STPG2: variants seen among roughly 807,000 people sequenced by gnomAD.
STPG2 encodes sperm tail PG-rich repeat containing 2.
STPG2 carries 56 observed loss-of-function variants against 54.2 expected under a neutral mutation model. The observed-to-expected ratio is 1.03, with a 90% confidence interval of 0.83 to 1.29. The LOEUF is 1.29. STPG2 is among the 50% of genes most tolerant of loss of function. The pLI, the probability that STPG2 is intolerant of heterozygous loss-of-function variation, is 0.00. For synonymous variants in STPG2, 200 were observed against 181.8 expected (o/e 1.10, Z -0.81); for missense variants, 596 against 544.9 (o/e 1.09, Z -0.93).
At chr4:98,114,167 TC>T (rs1475660582) in intron 3 of STPG2, among the ~76,000 whole-genome samples, 1 of 152,094 alleles carries the variant, frequency 6.6e-6, no homozygotes, top group African/African-American at 2.4e-5. Flanking sequence ...AAGTAAGTGC[TC>T]CAGATCACCT....
At chr4:97,579,179 T>C (rs1732800198) in intron 10 of STPG2, among the ~76,000 whole-genome samples, 1 of 152,134 alleles carries the variant, frequency 6.6e-6, no homozygotes, top group Admixed American at 6.6e-5. Context: ...GTTATGGCTA[T>C]TAAATGATAT....
chr4:97,712,631 C>A, intron 10 of STPG2, 68 bp downstream of exon 10: 3 of 1,081,992 alleles, frequency 2.8e-6, no homozygotes, highest in Non-Finnish European at 3.8e-6. Context: ...TTAATATATA[C>A]ATTTGTAGTA....
At chr4:97,588,287 A>C (rs1733050476) in intron 10 of STPG2, among the ~76,000 whole-genome samples, 1 of 152,044 alleles carries the variant, frequency 6.6e-6, no homozygotes, top group Admixed American at 6.6e-5. Context: ...CTGTACAGGA[A>C]AAAAATACCA....
chr4:97,920,681 A>T (rs1261035788), intron 8 of STPG2, among the ~76,000 whole-genome samples: 1 of 152,232 alleles, frequency 6.6e-6, no homozygotes, highest in East Asian at 1.9e-4. Flanking sequence ...AACCCTGAAC[A>T]GCTGACAACC....
intron 9 of STPG2, among the ~76,000 whole-genome samples, chr4:97,739,252 G>A (rs922165670): frequency 2.0e-5 from 3 of 152,042 alleles, no homozygotes; most frequent in African/African-American, 7.2e-5. Context: ...ATGCCTACAG[G>A]AGAAAGCAGG....
intron 6 of STPG2, among the ~76,000 whole-genome samples, chr4:97,975,327 A>C (rs1734463421): frequency 6.6e-6 from 1 of 152,200 alleles, no homozygotes; most frequent in Non-Finnish European, 1.5e-5. Context: ...AAATCTCAAC[A>C]CTAAAAAGTT....
chr4:98,120,898 C>T (rs1560688725), intron 3 of STPG2, among the ~76,000 whole-genome samples: 1 of 152,132 alleles, frequency 6.6e-6, no homozygotes, highest in Non-Finnish European at 1.5e-5. Flanking sequence ...TGTGCAGCAG[C>T]TCTTTAATTA....
intron 8 of STPG2, among the ~76,000 whole-genome samples, chr4:97,913,567 T>C (rs1731760492): frequency 6.6e-6 from 1 of 152,130 alleles, no homozygotes; most frequent in Non-Finnish European, 1.5e-5. Flanking sequence ...TAGCTTTAAA[T>C]TATCAATTAA....
intron 4 of STPG2, among the ~76,000 whole-genome samples, chr4:97,510,397 G>C (rs1028785446): frequency 6.6e-6 from 1 of 152,082 alleles, no homozygotes; most frequent in Non-Finnish European, 1.5e-5. Context: ...GGAAGTAAAA[G>C]TGTGGAACAT....
Position 97,916,528 on chromosome 4 carries a change from T to C in STPG2, c.1044+27369A>G, listed in dbSNP as rs537966571. 2.0e-5 allele frequency: 3 copies of C among 152,696 alleles called. No homozygotes were observed. The South Asian group carries it at 6.2e-4, about 32-fold the overall frequency. 9.5% of individuals were successfully genotyped at this position (152,696 alleles called of 1,614,324 possible). A position where few individuals can be genotyped will look rare whatever the true frequency, so the allele number is the denominator to read the frequency against. ...GAAGACGGGAAAGTTCATTTCTTTGTATTGACCATAGTACAGGCCCATCAC... is the reference window on the plus strand; with the variant it reads ...GAAGACGGGAAAGTTCATTTCTTTGCATTGACCATAGTACAGGCCCATCAC... On this transcript the variant is annotated intron_variant, in intron 8 of 10. Coordinates refer to ENST00000295268, the MANE Select transcript of STPG2 (RefSeq NM_174952.3).
chr4:97,887,525 C>A (rs890706755), intron 8 of STPG2, among the ~76,000 whole-genome samples: 1 of 152,070 alleles, frequency 6.6e-6, no homozygotes, highest in Non-Finnish European at 1.5e-5. Flanking sequence ...TTCTAAGCAA[C>A]AAAGTATTCA....
intron 8 of STPG2, among the ~76,000 whole-genome samples, chr4:97,874,310 TAACA>T (rs1189548472): frequency 6.6e-6 from 1 of 151,734 alleles, no homozygotes; most frequent in Non-Finnish European, 1.5e-5. Context: ...TGTGTTTTTA[TAACA>T]TACATCAATT....
intron 10 of STPG2, among the ~76,000 whole-genome samples, chr4:97,677,540 G>A (rs941531049): frequency 7.2e-5 from 11 of 152,164 alleles, no homozygotes; most frequent in Non-Finnish European, 1.2e-4. Context: ...CAGCTGGATG[G>A]TGGCTATGGA....
chr4:97,502,877 G>A (rs1431225472), intron 4 of STPG2, among the ~76,000 whole-genome samples: 2 of 151,898 alleles, frequency 1.3e-5, no homozygotes, highest in South Asian at 2.1e-4. Context: ...TGCCCCTTAC[G>A]CTGTGAATAG....
intron 9 of STPG2, among the ~76,000 whole-genome samples, chr4:97,798,536 T>A (rs527443092): frequency 6.6e-6 from 1 of 152,144 alleles, no homozygotes; most frequent in Admixed American, 6.6e-5. Flanking sequence ...GATTGCACTG[T>A]GGTCTGAGAG....
chr4:97,942,251 T>C (rs958364028), intron 8 of STPG2, among the ~76,000 whole-genome samples: 2 of 151,860 alleles, frequency 1.3e-5, no homozygotes, highest in Non-Finnish European at 2.9e-5. Context: ...GATATTATGA[T>C]AGAAATAACT....
intron 9 of STPG2, among the ~76,000 whole-genome samples, chr4:97,827,531 G>A (rs531967865): frequency 7.0e-4 from 106 of 152,200 alleles, no homozygotes; most frequent in Admixed American, 1.4e-3. Context: ...CACTGCACCC[G>A]GCCTAGACAG....
intron 10 of STPG2, among the ~76,000 whole-genome samples, chr4:97,692,182 G>A (rs954376668): frequency 1.3e-5 from 2 of 150,480 alleles, no homozygotes; most frequent in Non-Finnish European, 2.9e-5. Flanking sequence ...AAACCAAGAT[G>A]AAATTTCTGA....
chr4:97,530,308 T>C (rs1206161701), intron 4 of STPG2, among the ~76,000 whole-genome samples: 2 of 152,198 alleles, frequency 1.3e-5, no homozygotes, highest in Non-Finnish European at 2.9e-5. Context: ...GTCACATTCT[T>C]TTACTTTTCT....
Sources: allele counts gnomAD v4.1 joint callset (sites outside exome capture counted in the v4.1 genomes callset), GRCh38; gene constraint gnomAD v4.1.1; transcripts MANE v1.5; gene names NCBI Gene and HGNC (gene_info 2026-07-23, HGNC 2026-07-21).